The following TPPP variants were observed in gnomAD, a reference collection of about 807,000 sequenced individuals.
TPPP encodes the protein tubulin polymerization-promoting protein.
A neutral mutation model predicts 15.5 loss-of-function variants in TPPP; 6 were observed. The ratio of observed to expected loss-of-function variants is 0.39; its 90% confidence interval spans 0.21 to 0.77. The LOEUF (loss-of-function observed/expected upper bound fraction) is 0.77, where lower values mean the gene tolerates loss of function less well. Among genes scored for constraint, TPPP ranks in the 30% least tolerant of loss-of-function variants. TPPP has a pLI of 0.42. For synonymous variants in TPPP, 146 were observed against 133.9 expected (o/e 1.09, Z -0.63); for missense variants, 269 against 307.2 (o/e 0.88, Z 0.93).
At chr5:699,062 A>C in the TPPP span, among the ~76,000 whole-genome samples, 2 of 152,006 alleles carry the variant, frequency 1.3e-5, no homozygotes, top group Non-Finnish European at 2.9e-5. Flanking sequence ...GGAAGAATCA[A>C]TATTGTTAAA....
intron 2 of TPPP, among the ~76,000 whole-genome samples, chr5:672,195 C>T (rs537416067): frequency 3.4e-4 from 52 of 152,312 alleles, no homozygotes; most frequent in Non-Finnish European, 5.7e-4. Flanking sequence ...ACCACAGACC[C>T]CAGTGCCGGC....
intron 1 of TPPP, among the ~76,000 whole-genome samples, chr5:679,014 G>A (rs1349185153): frequency 6.6e-6 from 1 of 152,130 alleles, no homozygotes; most frequent in African/African-American, 2.4e-5. Flanking sequence ...ACACCAGGTG[G>A]GCCGTCAGCA....
intron 2 of TPPP, among the ~76,000 whole-genome samples, chr5:669,046 G>C (rs1740081919): frequency 3.3e-5 from 5 of 152,236 alleles, no homozygotes; most frequent in Admixed American, 3.3e-4. Flanking sequence ...AGCCAAAGAA[G>C]AAATCGCGCT....
intron 2 of TPPP, among the ~76,000 whole-genome samples, chr5:672,551 C>A (rs2126886390): frequency 6.6e-6 from 1 of 152,378 alleles, no homozygotes; most frequent in East Asian, 1.9e-4. Context: ...CCATAGGGGG[C>A]CAGTGAGCAA....
Position 679,561 on chromosome 5 carries a change from G to C in TPPP, c.-4-1497C>G, listed in dbSNP as rs1244492052. ...CAGGCCTGGTCTGTGTTTCCCCTGG[G>C]CCTCTGCAGCAGGGGTCGCTGGACA... On this transcript the variant is annotated intron_variant, in intron 1 of 3. Coordinates refer to ENST00000360578, the MANE Select transcript of TPPP (RefSeq NM_007030.3). Among the ~76,000 whole-genome samples, 4 of 152,106 alleles carry C rather than the reference G, an allele frequency of 2.6e-5. No individual in the cohort carries two copies. In the South Asian group the frequency reaches 8.3e-4, roughly 32 times the overall value.
chr5:677,319 C>T (rs948443836), intron 2 of TPPP, among the ~76,000 whole-genome samples: 11 of 152,340 alleles, frequency 7.2e-5, no homozygotes, highest in Middle Eastern at 3.4e-3. Flanking sequence ...GAGCTCTGCC[C>T]GCCAGCAGCC....
chr5:692,634 G>A, intron 1 of TPPP: 2 of 983,678 alleles, frequency 2.0e-6, no homozygotes, highest in Non-Finnish European at 2.4e-6. Flanking sequence ...CTGCTCCCAG[G>A]GGTGCGGGAA....
intron 1 of TPPP, among the ~76,000 whole-genome samples, chr5:683,525 G>A (rs1295710785): frequency 2.0e-5 from 3 of 152,220 alleles, no homozygotes; most frequent in South Asian, 2.1e-4. Context: ...TGGAGGCCTG[G>A]GGCCTGGGTG....
At chr5:682,247 G>A (rs923023724) in intron 1 of TPPP, among the ~76,000 whole-genome samples, 1 of 144,464 alleles carries the variant, frequency 6.9e-6, no homozygotes, top group African/African-American at 2.8e-5. Context: ...GGACTGACTG[G>A]GCTCTGTCAC....
rs759605283 is a variant in TPPP, at chr5:677,958, A to T, written c.103T>A (p.Ser35Thr). Residue 35 changes from serine to threonine, a missense_variant, in exon 2 of 4, where the codon TCG becomes ACG. Physicochemically the swap from Ser to Thr is moderately conservative, Grantham distance 58 (BLOSUM62 1). Coordinates refer to ENST00000360578, the MANE Select transcript of TPPP (RefSeq NM_007030.3). Reference protein sequence around the residue: ...DRAAKRLSLESEGAGEGAAAS... With the variant: ...DRAAKRLSLETEGAGEGAAAS... ...GCTGCCCCCTCACCAGCACCCTCCG[A>T]TTCCAGCGACAGCCTCTTGGCTGCC... is the stretch of plus-strand genomic sequence containing the variant. The T allele has an allele frequency of 2.5e-6, 4 of 1,611,238 alleles. No homozygotes were observed. The highest frequency in any genetic ancestry group is 3.4e-6 in the Non-Finnish European group (4 of 1,179,310).
At chr5:683,852 T>C (rs1448694701) in intron 1 of TPPP, among the ~76,000 whole-genome samples, 3 of 152,272 alleles carry the variant, frequency 2.0e-5, no homozygotes, top group African/African-American at 4.8e-5. Context: ...CTTCTCTCCA[T>C]GGGCAGATTC....
At chr5:675,118 G>C (rs1473449363) in intron 2 of TPPP, among the ~76,000 whole-genome samples, 1 of 136,784 alleles carries the variant, frequency 7.3e-6, no homozygotes, top group Non-Finnish European at 1.6e-5. Context: ...CAGCACGGGG[G>C]GTACAGTGTG....
At chr5:684,614 C>T (rs908366701) in intron 1 of TPPP, among the ~76,000 whole-genome samples, 1 of 152,014 alleles carries the variant, frequency 6.6e-6, no homozygotes, top group African/African-American at 2.4e-5. Context: ...TGCCCTCCTG[C>T]CGAGGAGGTG....
In TPPP at chr5:666,265, C is replaced by T. The variant is rs567980258; in HGVS notation, c.312-142G>A. On this transcript the variant is annotated intron_variant, in intron 2 of 3. Transcript: ENST00000360578. ...ACAGGCGGCCGCCCTGGTAGCACTG[C>T]AAATCCAAACTGTCTTGGAAGAAAG... The T allele has an allele frequency of 9.3e-5, 83 of 891,228 alleles. No homozygotes were observed. The African/African-American group carries it at 1.2e-3, about 13-fold the overall frequency. 55.2% of individuals were successfully genotyped at this position (891,228 alleles called of 1,614,324 possible). A position where few individuals can be genotyped will look rare whatever the true frequency, so the allele number is the denominator to read the frequency against.
chr5:693,159 G>A lies in TPPP; in HGVS notation c.-5+119C>T, dbSNP rs1372318831. The stretch of plus-strand genomic sequence containing the variant: ...GCGGGGCGGTCCGGGAAGGGGGCTC[G>A]GGGGAGCGCGGGGGGCAGGGGCTGC... On this transcript the variant is annotated intron_variant, in intron 1 of 3. Transcript: ENST00000360578. 5.2e-5 allele frequency: 5 copies of A among 96,902 alleles called. 2 individuals are homozygous for A. The highest frequency in any genetic ancestry group is 4.1e-4 in the Admixed American group (4 of 9,684). 6.0% of individuals were successfully genotyped at this position (96,902 alleles called of 1,614,324 possible).
intron 2 of TPPP, among the ~76,000 whole-genome samples, chr5:673,559 G>A (rs760049206): frequency 4.3e-4 from 66 of 152,236 alleles, no homozygotes; most frequent in Middle Eastern, 3.4e-3. Context: ...CCCACACGGC[G>A]CCCACTCACG....
At chr5:666,400 A>C (rs1739915916) in intron 2 of TPPP, among the ~76,000 whole-genome samples, 1 of 152,238 alleles carries the variant, frequency 6.6e-6, no homozygotes, top group South Asian at 2.1e-4. Flanking sequence ...GCCGGAGGCC[A>C]TTAGGCAGCG....
chr5:669,587 G>A (rs368545729), intron 2 of TPPP, among the ~76,000 whole-genome samples: 1 of 152,156 alleles, frequency 6.6e-6, no homozygotes, highest in South Asian at 2.1e-4. Flanking sequence ...CCAGCCTGGT[G>A]ACCAGTGCTG....
chr5:698,438 G>T, the TPPP span, among the ~76,000 whole-genome samples: 1 of 152,014 alleles, frequency 6.6e-6, no homozygotes, highest in Admixed American at 6.6e-5. Context: ...ATCACTGCTG[G>T]TAAAGACATG....
Sources: gnomAD v4.1 joint callset for allele counts (sites outside exome capture counted in the v4.1 genomes callset) on GRCh38, gnomAD v4.1.1 for gene constraint, MANE v1.5 for transcripts, NCBI Gene and HGNC (gene_info 2026-07-23, HGNC 2026-07-21) for gene names.